Variants in SHKBP1 observed in about 807,000 individuals in gnomAD.
SHKBP1 encodes SH3KBP1-binding protein 1.
A neutral mutation model predicts 83.9 loss-of-function variants in SHKBP1; 71 were observed. The ratio of observed to expected loss-of-function variants is 0.85; its 90% confidence interval spans 0.70 to 1.03. The LOEUF is 1.03. Ranked by LOEUF, SHKBP1 falls within the 50% of genes least tolerant of loss-of-function variation. SHKBP1 has a pLI of 0.00. For missense variants in SHKBP1, 824 were observed against 982.4 expected, an observed-to-expected ratio of 0.84 and a Z score of 2.16; for synonymous variants, 371 against 398.0, an observed-to-expected ratio of 0.93 and a Z score of 0.81.
chr19:40,577,048 C>A, intron 1 of SHKBP1, 63 bp downstream of exon 1: 1 of 1,330,980 alleles, frequency 7.5e-7, no homozygotes, highest in South Asian at 1.4e-5. Context: ...GGAGTATCCG[C>A]CTCTCCTGGG....
intron 10 of SHKBP1, among the ~76,000 whole-genome samples, chr19:40,582,988 T>C (rs1214920605): frequency 6.6e-6 from 1 of 150,412 alleles, no homozygotes; most frequent in Non-Finnish European, 1.5e-5. Flanking sequence ...GAGAGATAAA[T>C]GGAGATGAAT....
In SHKBP1 at chr19:40,580,399, G is replaced by A. The variant is rs367595564; in HGVS notation, c.476G>A (p.Arg159Gln). The change falls in exon 7 of 18, where the codon CGA (arginine) becomes CAA (glutamine). Residue 159 changes from arginine to glutamine, a missense_variant. Physicochemically the swap from Arg to Gln is conservative, Grantham distance 43 (BLOSUM62 1). This residue lies in a region of SHKBP1 where 355 missense variants were observed against 386.4 expected (regional missense o/e 0.92). Coordinates refer to ENST00000291842, the MANE Select transcript of SHKBP1 (RefSeq NM_138392.4). ...CTAGGAGGACGGCCAGCCCCTGTCCGACGGAGCAACACGATGCCCCCCAAC... is the reference window on the plus strand; with the variant it reads ...CTAGGAGGACGGCCAGCCCCTGTCCAACGGAGCAACACGATGCCCCCCAAC... ...QQLGGRPAPV[R>Q]RSNTMPPNLG... 24 of 1,614,096 alleles carry A rather than the reference G, an allele frequency of 1.5e-5. No individual in the cohort carries two copies. Among genetic ancestry groups the A allele is most frequent in the African/African-American group, 1.1e-4 (8 of 74,934 alleles).
intron 10 of SHKBP1, 122 bp downstream of exon 10, chr19:40,582,588 C>T (rs1271056822): frequency 9.1e-6 from 7 of 771,064 alleles, no homozygotes; most frequent in Non-Finnish European, 1.2e-5. Flanking sequence ...AGAGAACCAG[C>T]AGCTGGCCAG....
In SHKBP1 at chr19:40,582,344, A is replaced by G; in HGVS notation, c.845-7A>G. 6.4e-7 allele frequency: 1 copy of G among 1,566,084 alleles called. No individual in the cohort carries two copies. Among genetic ancestry groups the G allele is most frequent in the Non-Finnish European group, 8.8e-7 (1 of 1,137,188 alleles). The stretch of plus-strand genomic sequence containing the variant: ...GGTTCCAGCTGAGCCCTTTTTGCCC[A>G]CTGCAGGGGTCTTTCATCTGGGGGT... On this transcript the variant is annotated splice_region_variant and splice_polypyrimidine_tract_variant and intron_variant, in intron 9 of 17. Transcript: ENST00000291842.
At chr19:40,580,056 G>C (rs966336377) in intron 6 of SHKBP1, 7 of 213,474 alleles carry the variant, frequency 3.3e-5, no homozygotes, top group Non-Finnish European at 6.3e-5. Flanking sequence ...AAAAAAAAAC[G>C]GAAAATTAGG....
At chr19:40,588,598 C>T (rs906726461) in intron 13 of SHKBP1, 26 bp from the exon 14 acceptor site, 1 of 1,613,662 alleles carries the variant, frequency 6.2e-7, no homozygotes, top group African/African-American at 1.3e-5. Context: ...CCAGGCCTGA[C>T]TTCCTGCTCT....
At chr19:40,577,784 G>A in intron 4 of SHKBP1, 154 bp downstream of exon 4, 1 of 928,944 alleles carries the variant, frequency 1.1e-6, no homozygotes, top group Non-Finnish European at 1.7e-6. Flanking sequence ...GCTCACGCCT[G>A]TAATCCCAAC....
chr19:40,577,986 C>T lies in SHKBP1; in HGVS notation c.261-168C>T, dbSNP rs2081234029. ...ACACACACACACACACACACACACA[C>T]ACACACTCAACATTTCCTCCACCCA... is the stretch of plus-strand genomic sequence containing the variant. On this transcript the variant is annotated intron_variant, in intron 4 of 17. Transcript: ENST00000291842. The T allele has an allele frequency of 4.3e-6, 3 of 698,108 alleles. No individual in the cohort carries two copies. In the Admixed American group the frequency reaches 6.1e-5, roughly 14 times the overall value. The allele number at this position is 698,108 out of a possible 1,614,324, so 43.2% of individuals were successfully genotyped here.
Position 40,590,530 on chromosome 19 carries a change from C to A in SHKBP1, c.1768+108C>A. On this transcript the variant is annotated intron_variant, in intron 16 of 17. Transcript: ENST00000291842. This position sits in a 1 kb window ranked among gnomAD's most constrained non-coding sequence, Gnocchi z 4.6. ...TCTCCCAGGCCCTTGCCCTCTGACC[C>A]CTTTTCCTTTGACCCCCTCTCTGCT... 1 of 1,373,662 alleles carries A rather than the reference C, an allele frequency of 7.3e-7. No homozygotes were observed. Among genetic ancestry groups the A allele is most frequent in the Non-Finnish European group, 9.9e-7 (1 of 1,007,718 alleles). 85.1% of individuals were successfully genotyped at this position (1,373,662 alleles called of 1,614,324 possible).
At chr19:40,577,349 T>G (rs1435828716) in intron 2 of SHKBP1, 47 bp from the exon 3 acceptor site, 2 of 1,613,664 alleles carry the variant, frequency 1.2e-6, no homozygotes, top group Non-Finnish European at 1.7e-6. Context: ...AGACCTAATA[T>G]CCACTCCCCC....
In SHKBP1 at chr19:40,590,671, C is replaced by T; in HGVS notation, c.1769-59C>T. ...CTCGGTGCTTGCACTGCAATGCAAC[C>T]CAGGCCCTTGCCCTATGACCCCTGT... On this transcript the variant is annotated intron_variant, in intron 16 of 17. Coordinates refer to ENST00000291842, the MANE Select transcript of SHKBP1 (RefSeq NM_138392.4). This position sits in a 1 kb window ranked among gnomAD's most constrained non-coding sequence, Gnocchi z 4.6. 2.6e-6 allele frequency: 4 copies of T among 1,525,114 alleles called. No homozygotes were observed. The highest frequency in any genetic ancestry group is 1.3e-5 in the South Asian group (1 of 79,878). 94.5% of individuals were successfully genotyped at this position (1,525,114 alleles called of 1,614,324 possible).
At chr19:40,587,129 G>A (rs905725291) in intron 13 of SHKBP1, among the ~76,000 whole-genome samples, 185 bp downstream of exon 13, 3 of 152,304 alleles carry the variant, frequency 2.0e-5, no homozygotes, top group African/African-American at 4.8e-5. Flanking sequence ...TCAGTCTGGG[G>A]AAGAGTGAAT....
At position 40,590,698 on chromosome 19, in the gene SHKBP1, T is replaced by C; in HGVS notation, c.1769-32T>C. 4 of 1,552,690 alleles carry C rather than the reference T, an allele frequency of 2.6e-6. No homozygotes were observed. Among genetic ancestry groups the C allele is most frequent in the Non-Finnish European group, 3.5e-6 (4 of 1,145,418 alleles). On this transcript the variant is annotated intron_variant, in intron 16 of 17. Coordinates refer to ENST00000291842, the MANE Select transcript of SHKBP1 (RefSeq NM_138392.4). The surrounding 1 kb of genome is among the most constrained non-coding windows in gnomAD (Gnocchi z 4.6). ...AGGCCCTTGCCCTATGACCCCTGTC[T>C]TGCCCCCTGACCCTGCTTCCGTGCC...
chr19:40,583,343 G>A lies in SHKBP1; in HGVS notation c.961-55G>A, dbSNP rs372298094. 6.1e-5 allele frequency: 88 copies of A among 1,449,762 alleles called. No homozygotes were observed. The East Asian group carries it at 6.2e-4, about 10-fold the overall frequency. The allele number at this position is 1,449,762 out of a possible 1,614,324, so 89.8% of individuals were successfully genotyped here. On this transcript the variant is annotated intron_variant, in intron 10 of 17. Coordinates refer to ENST00000291842, the MANE Select transcript of SHKBP1 (RefSeq NM_138392.4). The stretch of plus-strand genomic sequence containing the variant: ...CCCATCCTCTGTGAGGGGTCACCAC[G>A]GAAGGAAAGGAATGGAAGGGCTCCC...
At chr19:40,578,721 G>A (rs1160454192) in intron 6 of SHKBP1, among the ~76,000 whole-genome samples, 179 bp downstream of exon 6, 2 of 152,180 alleles carry the variant, frequency 1.3e-5, no homozygotes, top group East Asian at 1.9e-4. Flanking sequence ...TTTCCCATGA[G>A]ACAATGGGCC....
chr19:40,580,322 A>G lies in SHKBP1; in HGVS notation c.401-2A>G. On this transcript the variant is annotated splice_acceptor_variant, in intron 6 of 17. Coordinates refer to ENST00000291842, the MANE Select transcript of SHKBP1 (RefSeq NM_138392.4). LOFTEE classifies it high-confidence loss of function. ...TTACTCTACCTCTTATTCTCACTGT[A>G]GTGTTCCCAGTGAAGCGGCGGAACC... 3 of 1,613,436 alleles carry G rather than the reference A, an allele frequency of 1.9e-6. No individual in the cohort carries two copies. Among genetic ancestry groups the G allele is most frequent in the South Asian group, 1.1e-5 (1 of 91,056 alleles).
chr19:40,581,417 A>G (rs1172091613), intron 9 of SHKBP1, among the ~76,000 whole-genome samples: 1 of 151,968 alleles, frequency 6.6e-6, no homozygotes, highest in Non-Finnish European at 1.5e-5. Flanking sequence ...CAGGAGGTTA[A>G]GGCAGGAGAA....
chr19:40,582,268 C>T (rs2145983131), intron 9 of SHKBP1, 83 bp from the exon 10 acceptor site: 3 of 1,073,776 alleles, frequency 2.8e-6, no homozygotes, highest in East Asian at 2.4e-5. Flanking sequence ...TCCCACTGAA[C>T]CCTCTGGTCC....
chr19:40,590,710 C>A lies in SHKBP1; in HGVS notation c.1769-20C>A. 6.4e-7 allele frequency: 1 copy of A among 1,566,196 alleles called. No homozygotes were observed. Reference sequence around the variant, plus strand: ...TATGACCCCTGTCTTGCCCCCTGACCCTGCTTCCGTGCCCCCCAGCAGGTG... The same window carrying A: ...TATGACCCCTGTCTTGCCCCCTGACACTGCTTCCGTGCCCCCCAGCAGGTG... On this transcript the variant is annotated intron_variant, in intron 16 of 17. Transcript: ENST00000291842. This position sits in a 1 kb window ranked among gnomAD's most constrained non-coding sequence, Gnocchi z 4.6.
Sources: gnomAD v4.1 joint callset for allele counts (sites outside exome capture counted in the v4.1 genomes callset) on GRCh38, gnomAD v4.1.1 for gene constraint, gnomAD v4.1.1 regional missense constraint, Gnocchi (gnomAD v3.1) non-coding constraint, MANE v1.5 for transcripts, NCBI Gene and HGNC (gene_info 2026-07-23, HGNC 2026-07-21) for gene names.